The following EMSY variants were observed in gnomAD, a reference collection of about 807,000 sequenced individuals.
EMSY encodes the protein EMSY transcriptional repressor, BRCA2 interacting.
EMSY carries 26 observed loss-of-function variants against 134.6 expected under a neutral mutation model. That is an observed-to-expected ratio of 0.19 (90% CI 0.14 to 0.27). The LOEUF (loss-of-function observed/expected upper bound fraction) is 0.27. Among genes scored for constraint, EMSY ranks in the 10% least tolerant of loss-of-function variants. The pLI, the probability that EMSY is intolerant of heterozygous loss-of-function variation, is 1.00. For missense variants in EMSY, 1,305 were observed against 1,611.4 expected, an observed-to-expected ratio of 0.81 and a Z score of 3.26; for synonymous variants, 579 against 577.8, an observed-to-expected ratio of 1.00 and a Z score of -0.03.
At chr11:76,525,567 G>A (rs1324607333) in intron 12 of EMSY, among the ~76,000 whole-genome samples, 9 of 152,082 alleles carry the variant, frequency 5.9e-5, no homozygotes, top group Non-Finnish European at 1.0e-4. Flanking sequence ...TAATAATTTA[G>A]TAAAGTCACT....
Position 76,470,783 on chromosome 11 carries a change from T to C in EMSY, c.832-1781T>C, listed in dbSNP as rs74352632. ...TAGTATAAAAATCTAAATTCCACAT[T>C]TGATGTAGCCTCTGCTTACTTTTCC... On this transcript the variant is annotated intron_variant, in intron 7 of 20. Coordinates refer to ENST00000334736, the Ensembl canonical transcript of EMSY. 4.6e-3 allele frequency among the ~76,000 whole-genome samples: 699 copies of C among 152,270 alleles called. 3 individuals are homozygous for C. The highest frequency in any genetic ancestry group is 8.0e-3 in the Non-Finnish European group (542 of 67,986).
intron 8 of EMSY, among the ~76,000 whole-genome samples, chr11:76,480,941 G>A (rs118154502): frequency 0.017 from 2,590 of 152,298 alleles, 52 homozygotes; most frequent in East Asian, 0.093. Flanking sequence ...AGATTCCTTC[G>A]GGTGCCTATG....
At chr11:76,447,574 G>A (rs1235815606) in intron 2 of EMSY, among the ~76,000 whole-genome samples, 2 of 152,168 alleles carry the variant, frequency 1.3e-5, no homozygotes, top group Admixed American at 6.5e-5. Context: ...TTTTATGCTT[G>A]TAATTTATTA....
chr11:76,515,210 G>C (rs572441778), intron 10 of EMSY, among the ~76,000 whole-genome samples: 10 of 150,908 alleles, frequency 6.6e-5, no homozygotes, highest in South Asian at 2.1e-4. Flanking sequence ...TTTTTTTGGG[G>C]GGGGGGAGGA....
At chr11:76,498,705 T>C (rs1203357134) in intron 9 of EMSY, among the ~76,000 whole-genome samples, 1 of 152,212 alleles carries the variant, frequency 6.6e-6, no homozygotes, top group Non-Finnish European at 1.5e-5. Flanking sequence ...TTAATGATGG[T>C]AACTAGCCTG....
At position 76,503,951 on chromosome 11, in the gene EMSY, AT is replaced by A. The variant is rs1264721522; in HGVS notation, c.1363+7497del. On this transcript the variant is annotated intron_variant, in intron 9 of 20. Coordinates refer to ENST00000334736, the Ensembl canonical transcript of EMSY. ...AGGCGCGCACCATCACGCCCGGCTA[AT>A]TTTTTTTTTTTTTTGTAGAGATGGG... Among the ~76,000 whole-genome samples the A allele has an allele frequency of 6.1e-3, 856 of 141,446 alleles. 4 individuals carry two copies. The highest frequency in any genetic ancestry group is 0.015 in the African/African-American group (570 of 38,744). The allele number at this position is 141,446 out of a possible 152,430, so 92.8% of individuals were successfully genotyped here.
chr11:76,536,973 A>G (rs1296392127), intron 15 of EMSY, among the ~76,000 whole-genome samples: 2 of 152,176 alleles, frequency 1.3e-5, no homozygotes. Context: ...GGACTTAGTT[A>G]CTGGTTACCG....
chr11:76,523,704 C>CTTTTTGTTTTT (rs1950731810), intron 12 of EMSY, among the ~76,000 whole-genome samples: 1 of 80,536 alleles, frequency 1.2e-5, no homozygotes, highest in Non-Finnish European at 2.3e-5. Flanking sequence ...TTGTTACTTT[C>CTTTTTGTTTTT]TTTTTTTTTT....
intron 8 of EMSY, among the ~76,000 whole-genome samples, chr11:76,492,813 C>G (rs1421353124): frequency 2.6e-5 from 4 of 152,170 alleles, no homozygotes; most frequent in Admixed American, 2.6e-4. Flanking sequence ...ATAAAGTGGG[C>G]TTCCATGAGT....
chr11:76,509,359 G>T (rs1316002179), intron 9 of EMSY, among the ~76,000 whole-genome samples: 1 of 152,142 alleles, frequency 6.6e-6, no homozygotes, highest in East Asian at 1.9e-4. Context: ...CAGGTGTGTT[G>T]GTGGGTGCCT....
intron 8 of EMSY, among the ~76,000 whole-genome samples, chr11:76,483,021 A>C (rs974103474): frequency 1.3e-5 from 2 of 152,232 alleles, no homozygotes; most frequent in African/African-American, 2.4e-5. Context: ...GGTTACCCAC[A>C]AAGGGAAGCC....
chr11:76,463,122 C>A (rs1381829013), intron 6 of EMSY, among the ~76,000 whole-genome samples: 5 of 150,380 alleles, frequency 3.3e-5, no homozygotes, highest in Admixed American at 2.0e-4. Flanking sequence ...TCAAGACCAG[C>A]CTGGGCCAAC....
chr11:76,518,392 T>C (rs1950523911), intron 11 of EMSY, among the ~76,000 whole-genome samples: 2 of 151,402 alleles, frequency 1.3e-5, no homozygotes, highest in Admixed American at 1.3e-4. Flanking sequence ...GGTCTCAAAC[T>C]CCTGAGTTGA....
At chr11:76,503,151 A>G (rs1949940648) in intron 9 of EMSY, among the ~76,000 whole-genome samples, 1 of 151,832 alleles carries the variant, frequency 6.6e-6, no homozygotes, top group East Asian at 1.9e-4. Flanking sequence ...AAATACAAAA[A>G]TTAACTGGCC....
chr11:76,518,704 T>TATATATATATATATATA (rs1555068832), intron 11 of EMSY, among the ~76,000 whole-genome samples: 12 of 78,320 alleles, frequency 1.5e-4, no homozygotes, highest in African/African-American at 5.6e-4. Context: ...TATATATATA[T>TATATATATATATATATA]TTTTTTTTTA....
chr11:76,511,623 C>A (rs2136092910), intron 9 of EMSY, among the ~76,000 whole-genome samples: 1 of 152,166 alleles, frequency 6.6e-6, no homozygotes, highest in African/African-American at 2.4e-5. Context: ...TCACTTAAAC[C>A]CAGGAGGTGG....
At chr11:76,481,679 G>A (rs1948988154) in intron 8 of EMSY, among the ~76,000 whole-genome samples, 1 of 152,232 alleles carries the variant, frequency 6.6e-6, no homozygotes, top group African/African-American at 2.4e-5. Context: ...AGCTGCTGTA[G>A]CCAGACTGCC....
At chr11:76,541,903 G>A in intron 17 of EMSY, 1 of 565,414 alleles carries the variant, frequency 1.8e-6, no homozygotes, top group East Asian at 2.9e-5. Flanking sequence ...ATGGGAGGAT[G>A]CAACTTTAAG....
intron 7 of EMSY, among the ~76,000 whole-genome samples, chr11:76,469,811 TGTG>T (rs1037152791): frequency 6.2e-4 from 94 of 152,308 alleles, no homozygotes; most frequent in African/African-American, 2.2e-3. Flanking sequence ...CATTTAAGCT[TGTG>T]GTCTTTTTGC....
Sources: allele counts gnomAD v4.1 joint callset (sites outside exome capture counted in the v4.1 genomes callset), GRCh38; gene constraint gnomAD v4.1.1; transcripts MANE v1.5; gene names NCBI Gene and HGNC (gene_info 2026-07-23, HGNC 2026-07-21).